The following CCSER1 variants were observed in gnomAD, a reference collection of about 807,000 sequenced individuals.
CCSER1 encodes coiled-coil serine rich protein 1.
A neutral mutation model predicts 82.0 loss-of-function variants in CCSER1; 41 were observed. That is an observed-to-expected ratio of 0.50 (90% confidence interval 0.39 to 0.65). CCSER1 has a LOEUF of 0.65. Ranked by LOEUF, CCSER1 falls within the 30% of genes least tolerant of loss-of-function variation. The pLI is 0.00. For synonymous variants in CCSER1, 414 were observed against 383.9 expected (o/e 1.08, Z -0.92); for missense variants, 1,119 against 1,064.2 (o/e 1.05, Z -0.72).
chr4:91,326,853 C>T (rs1746601163), intron 10 of CCSER1, among the ~76,000 whole-genome samples: 1 of 152,122 alleles, frequency 6.6e-6, no homozygotes, highest in Non-Finnish European at 1.5e-5. Flanking sequence ...AAGTCCAAAA[C>T]CCAGCAGTGC....
intron 7 of CCSER1, among the ~76,000 whole-genome samples, chr4:90,788,784 A>G (rs1754857697): frequency 6.6e-6 from 1 of 152,216 alleles, no homozygotes; most frequent in South Asian, 2.1e-4. Context: ...AAAGTTCATT[A>G]GAAAGGCGAT....
intron 5 of CCSER1, among the ~76,000 whole-genome samples, chr4:90,512,836 G>T (rs911666838): frequency 3.3e-5 from 5 of 152,004 alleles, no homozygotes; most frequent in African/African-American, 9.7e-5. Flanking sequence ...AAGCTTAATG[G>T]TCACAAAAAT....
At chr4:90,667,520 G>A (rs1333859190) in intron 6 of CCSER1, among the ~76,000 whole-genome samples, 1 of 152,036 alleles carries the variant, frequency 6.6e-6, no homozygotes, top group African/African-American at 2.4e-5. Flanking sequence ...AGGCCCCGGT[G>A]GGTGATGTTC....
chr4:90,135,781 A>T (rs759410903), intron 1 of CCSER1, among the ~76,000 whole-genome samples: 1 of 152,240 alleles, frequency 6.6e-6, no homozygotes, highest in East Asian at 1.9e-4. Flanking sequence ...TAAATATTTT[A>T]TAAATGTTTA....
chr4:91,173,199 C>T (rs1300872742), intron 10 of CCSER1, among the ~76,000 whole-genome samples: 1 of 152,150 alleles, frequency 6.6e-6, no homozygotes, highest in African/African-American at 2.4e-5. Context: ...TTAATTTATT[C>T]AGAATGTCTT....
At chr4:90,890,515 A>G (rs1722804603) in intron 8 of CCSER1, among the ~76,000 whole-genome samples, 1 of 152,162 alleles carries the variant, frequency 6.6e-6, no homozygotes, top group South Asian at 2.1e-4. Flanking sequence ...ACTAAGGCCT[A>G]CATTGCCTGC....
chr4:91,380,531 T>C (rs1750801588), intron 10 of CCSER1, among the ~76,000 whole-genome samples: 1 of 152,174 alleles, frequency 6.6e-6, no homozygotes, highest in Non-Finnish European at 1.5e-5. Flanking sequence ...TGATCTTTGA[T>C]GGTTTAAAGT....
intron 9 of CCSER1, among the ~76,000 whole-genome samples, chr4:91,007,633 T>A (rs1738629965): frequency 6.6e-6 from 1 of 151,942 alleles, no homozygotes; most frequent in South Asian, 2.1e-4. Flanking sequence ...CTTCTCTTTT[T>A]TCCTAGTTAC....
At chr4:91,040,543 G>C (rs181000189) in intron 9 of CCSER1, among the ~76,000 whole-genome samples, 348 of 152,240 alleles carry the variant, frequency 2.3e-3, no homozygotes, top group Non-Finnish European at 3.7e-3. Context: ...GAAGGAAAAG[G>C]CATCCTATGT....
intron 1 of CCSER1, among the ~76,000 whole-genome samples, chr4:90,217,456 C>G (rs1741282223): frequency 1.3e-5 from 2 of 152,186 alleles, no homozygotes; most frequent in Non-Finnish European, 2.9e-5. Flanking sequence ...CCTCGGCCTC[C>G]CAAAGTACTG....
At chr4:91,094,240 G>T (rs185659443) in intron 10 of CCSER1, among the ~76,000 whole-genome samples, 12 of 152,152 alleles carry the variant, frequency 7.9e-5, no homozygotes, top group Non-Finnish European at 1.6e-4. Context: ...AGATGGTGGG[G>T]TAATTTTTAA....
intron 9 of CCSER1, among the ~76,000 whole-genome samples, chr4:90,964,779 C>A (rs1213111027): frequency 6.7e-6 from 1 of 148,256 alleles, no homozygotes; most frequent in Non-Finnish European, 1.5e-5. Context: ...CAAAAATTGT[C>A]CAAATCAACT....
At chr4:90,345,985 C>G (rs1437038490) in intron 3 of CCSER1, among the ~76,000 whole-genome samples, 1 of 152,078 alleles carries the variant, frequency 6.6e-6, no homozygotes, top group East Asian at 1.9e-4. Flanking sequence ...ATACCCTCCC[C>G]CATTTATTTC....
intron 6 of CCSER1, among the ~76,000 whole-genome samples, chr4:90,721,952 A>G (rs1253492860): frequency 1.3e-5 from 2 of 151,624 alleles, no homozygotes; most frequent in Non-Finnish European, 3.0e-5. Flanking sequence ...TTTGAAAATT[A>G]TAGCTAGAAC....
Position 90,945,343 on chromosome 4 carries a change from G to A in CCSER1, c.2172+21896G>A, listed in dbSNP as rs539328171. Among the ~76,000 whole-genome samples, 8 of 152,060 alleles carry A rather than the reference G, an allele frequency of 5.3e-5. No homozygotes were observed. The East Asian group carries it at 1.5e-3, about 29-fold the overall frequency. ...CCCTGATAGAATAATAACACATTCA[G>A]CTAAATGGAATGGATCATGTTCCTT... On this transcript the variant is annotated intron_variant, in intron 9 of 10. Coordinates refer to ENST00000509176, the MANE Select transcript of CCSER1 (RefSeq NM_001145065.2).
At chr4:90,944,168 G>A (rs1294378284) in intron 9 of CCSER1, among the ~76,000 whole-genome samples, 4 of 149,480 alleles carry the variant, frequency 2.7e-5, no homozygotes, top group Non-Finnish European at 4.4e-5. Context: ...GGAAGCGGAG[G>A]TTGCAGTGAG....
At chr4:91,464,634 G>T (rs992832951) in intron 10 of CCSER1, among the ~76,000 whole-genome samples, 3 of 152,082 alleles carry the variant, frequency 2.0e-5, no homozygotes, top group Admixed American at 2.0e-4. Flanking sequence ...ACACGCATAG[G>T]CTCAAAATAA....
chr4:90,804,548 C>G lies in CCSER1; in HGVS notation c.2011-11214C>G, dbSNP rs188028605. Among the ~76,000 whole-genome samples, 786 of 152,112 alleles carry G rather than the reference C, an allele frequency of 5.2e-3. 6 individuals are homozygous for G. The highest frequency in any genetic ancestry group is 0.018 in the African/African-American group (736 of 41,496). ...TAGATGTGTGGTGTTATTTCTGAGG[C>G]CTCTGTTCTGTTCCATTGGTCTATG... On this transcript the variant is annotated intron_variant, in intron 7 of 10. Coordinates refer to ENST00000509176, the MANE Select transcript of CCSER1 (RefSeq NM_001145065.2).
At chr4:91,105,629 G>C (rs963522555) in intron 10 of CCSER1, among the ~76,000 whole-genome samples, 2 of 152,080 alleles carry the variant, frequency 1.3e-5, no homozygotes, top group African/African-American at 4.8e-5. Context: ...GCTTGAACCT[G>C]GGAGGAGGAA....
Sources: gnomAD v4.1 joint callset for allele counts (sites outside exome capture counted in the v4.1 genomes callset) on GRCh38, gnomAD v4.1.1 for gene constraint, MANE v1.5 for transcripts, NCBI Gene and HGNC (gene_info 2026-07-23, HGNC 2026-07-21) for gene names.